Variants in TMEM17 observed in about 807,000 individuals in gnomAD.
TMEM17 encodes the protein transmembrane protein 17.
Under a neutral mutation model 19.1 loss-of-function variants are expected in TMEM17, and 15 were observed. That is an observed-to-expected ratio of 0.78 (90% CI 0.52 to 1.21). The LOEUF (loss-of-function observed/expected upper bound fraction) is 1.21. TMEM17 is among the 50% of genes most tolerant of loss of function. TMEM17 has a pLI of 0.00. For synonymous variants in TMEM17, 103 were observed against 86.9 expected (o/e 1.19, Z -1.03); for missense variants, 245 against 242.3 (o/e 1.01, Z -0.07).
At chr2:62,474,093 A>T in the TMEM17 span, among the ~76,000 whole-genome samples, 3 of 152,140 alleles carry the variant, frequency 2.0e-5, no homozygotes, top group Admixed American at 2.0e-4. Flanking sequence ...CCTGCTTGTC[A>T]GGCTTTGGGA....
At chr2:62,499,096 A>G (rs1573432656), downstream of TMEM17, among the ~76,000 whole-genome samples, 1 of 152,230 alleles carries the variant, frequency 6.6e-6, no homozygotes, top group East Asian at 1.9e-4. Context: ...TTTTTCCCCC[A>G]CTGTTACTAT....
chr2:62,476,941 A>C, the TMEM17 span, among the ~76,000 whole-genome samples: 30 of 152,248 alleles, frequency 2.0e-4, no homozygotes, highest in Non-Finnish European at 4.3e-4. Flanking sequence ...GTTGAGCCCC[A>C]GATAAGGGAT....
chr2:62,477,349 A>T, the TMEM17 span, among the ~76,000 whole-genome samples: 3 of 152,046 alleles, frequency 2.0e-5, no homozygotes, highest in African/African-American at 7.2e-5. Flanking sequence ...GTGAGCTAGG[A>T]TCGCACCACT....
chr2:62,505,966 G>C, intron 1 of TMEM17, 64 bp downstream of exon 1: 1 of 1,441,596 alleles, frequency 6.9e-7, no homozygotes, highest in Non-Finnish European at 9.5e-7. Context: ...AATTCTGGAC[G>C]CTCCAAAATC....
At chr2:62,495,701 G>A (rs1663794859), downstream of TMEM17, among the ~76,000 whole-genome samples, 1 of 152,150 alleles carries the variant, frequency 6.6e-6, no homozygotes, top group Admixed American at 6.6e-5. Flanking sequence ...ACTTTGCTAT[G>A]CAAAAGCTTT....
intron 1 of TMEM17, among the ~76,000 whole-genome samples, chr2:62,504,208 A>T (rs1378010281): frequency 6.6e-6 from 1 of 152,222 alleles, no homozygotes; most frequent in Non-Finnish European, 1.5e-5. Flanking sequence ...GATTATTATG[A>T]TCTACTTTTG....
chr2:62,470,366 G>A, the TMEM17 span, among the ~76,000 whole-genome samples: 5 of 152,210 alleles, frequency 3.3e-5, no homozygotes, highest in Non-Finnish European at 4.4e-5. Flanking sequence ...TCTGAATCCC[G>A]AAATCTACAT....
chr2:62,478,010 A>G, the TMEM17 span, among the ~76,000 whole-genome samples: 1 of 152,218 alleles, frequency 6.6e-6, no homozygotes, highest in Non-Finnish European at 1.5e-5. Flanking sequence ...ACCAATTGCC[A>G]TTAAACCTCC....
chr2:62,498,631 G>T (rs1238830335), downstream of TMEM17, among the ~76,000 whole-genome samples: 5 of 141,598 alleles, frequency 3.5e-5, no homozygotes, highest in Non-Finnish European at 6.2e-5. Flanking sequence ...CAGGAGAATG[G>T]CGTGAACCCG....
chr2:62,462,081 G>A, the TMEM17 span, among the ~76,000 whole-genome samples: 1 of 152,182 alleles, frequency 6.6e-6, no homozygotes, highest in East Asian at 1.9e-4. Flanking sequence ...TCAGCCTGTG[G>A]CTTCCTTGTG....
the TMEM17 span, among the ~76,000 whole-genome samples, chr2:62,475,760 G>A: frequency 9.2e-5 from 14 of 152,310 alleles, no homozygotes; most frequent in Middle Eastern, 3.4e-3. Context: ...CAGCTGGCTG[G>A]TTTTGTCTGT....
At chr2:62,501,956 G>A (rs1042498334) in intron 3 of TMEM17, 1 of 163,842 alleles carries the variant, frequency 6.1e-6, no homozygotes, top group Admixed American at 5.8e-5. Context: ...TTATTATGAA[G>A]GGCCTAGAAA....
the TMEM17 span, among the ~76,000 whole-genome samples, chr2:62,460,775 G>A: frequency 6.6e-6 from 1 of 152,080 alleles, no homozygotes; most frequent in Non-Finnish European, 1.5e-5. Context: ...TAGCACTTTT[G>A]TCTCCAGACA....
chr2:62,482,705 GGGCTTCT>G, the TMEM17 span, among the ~76,000 whole-genome samples: 2 of 152,130 alleles, frequency 1.3e-5, no homozygotes, highest in African/African-American at 4.8e-5. Flanking sequence ...GGTAAGTCTG[GGGCTTCT>G]GGTGGTCACC....
chr2:62,496,085 ATT>A (rs66654346), downstream of TMEM17, among the ~76,000 whole-genome samples: 4 of 150,450 alleles, frequency 2.7e-5, no homozygotes, highest in South Asian at 4.2e-4. Context: ...CAGCTTTTAG[ATT>A]TTTTTTTTCT....
At chr2:62,488,017 T>A in the TMEM17 span, among the ~76,000 whole-genome samples, 1 of 152,180 alleles carries the variant, frequency 6.6e-6, no homozygotes, top group Non-Finnish European at 1.5e-5. Flanking sequence ...GAAATAGAGG[T>A]GGAACGGAGT....
At chr2:62,501,589 C>T (rs1401524067) in intron 3 of TMEM17, 102 bp from the exon 4 acceptor site, 14 of 1,160,872 alleles carry the variant, frequency 1.2e-5, no homozygotes, top group African/African-American at 6.2e-5. Context: ...ACATTATGGG[C>T]TCTGTGAGTG....
the TMEM17 span, among the ~76,000 whole-genome samples, chr2:62,475,473 T>C: frequency 6.6e-6 from 1 of 152,250 alleles, no homozygotes; most frequent in Non-Finnish European, 1.5e-5. Context: ...ACGCCTGGGC[T>C]GTTTTCTAGG....
the TMEM17 span, among the ~76,000 whole-genome samples, chr2:62,485,296 A>G: frequency 1.3e-5 from 2 of 152,226 alleles, no homozygotes; most frequent in Non-Finnish European, 2.9e-5. Flanking sequence ...TGGGGAAATG[A>G]TAACATTGAT....
Sources: allele counts gnomAD v4.1 joint callset (sites outside exome capture counted in the v4.1 genomes callset), GRCh38; gene constraint gnomAD v4.1.1; transcripts MANE v1.5; gene names NCBI Gene and HGNC (gene_info 2026-07-23, HGNC 2026-07-21).